The following SUN1 variants were observed in gnomAD, a reference collection of about 807,000 sequenced individuals.
SUN1 encodes the protein Sad1 and UNC84 domain containing 1.
In SUN1, 61 loss-of-function variants were observed where a neutral mutation model predicts 103.2. The ratio of observed to expected loss-of-function variants is 0.59; its 90% confidence interval spans 0.48 to 0.73. The LOEUF is 0.73. Ranked by LOEUF, SUN1 falls within the 30% of genes least tolerant of loss-of-function variation. The pLI is 0.00. For synonymous variants in SUN1, 490 were observed against 425.7 expected, an observed-to-expected ratio of 1.15 and a Z score of -1.86; for missense variants, 1,052 against 1,034.6, an observed-to-expected ratio of 1.02 and a Z score of -0.23.
rs746343397 is a variant in SUN1, at chr7:860,280, G to A, written c.1677G>A (p.Leu559=). Residue 559 remains leucine (L), a synonymous_variant, in exon 14 of 19, where the codon CTG becomes CTA. Coordinates refer to ENST00000401592, the MANE Select transcript of SUN1 (RefSeq NM_001130965.3). Reference sequence around the variant, plus strand: ...TGCGAGACCTGCAGCTGCAGATCCTGCGGAACGTCACCCACCACGTTTCCG... The same window carrying A: ...TGCGAGACCTGCAGCTGCAGATCCTACGGAACGTCACCCACCACGTTTCCG... The part of the protein sequence containing the change: ...TMLRDLQLQI[L]RNVTHHVSVT... 2 of 1,614,240 alleles carry A rather than the reference G, an allele frequency of 1.2e-6. No homozygotes were observed. Among genetic ancestry groups the A allele is most frequent in the Non-Finnish European group, 1.7e-6 (2 of 1,180,052 alleles).
At chr7:869,234 T>C in intron 16 of SUN1, 115 bp from the exon 17 acceptor site, 1 of 1,336,136 alleles carries the variant, frequency 7.5e-7, no homozygotes, top group Non-Finnish European at 1.0e-6. Context: ...CTCATGGCAG[T>C]TTCTACCATG....
rs1201453642 is a variant in SUN1 at position 849,827 on chromosome 7, C to A, written c.659-1557C>A. 3.0e-6 allele frequency: 4 copies of A among 1,338,256 alleles called. No homozygotes were observed. In the African/African-American group the frequency reaches 5.8e-5, roughly 19 times the overall value. The allele number at this position is 1,338,256 out of a possible 1,614,324, so 82.9% of individuals were successfully genotyped here. On this transcript the variant is annotated intron_variant, in intron 5 of 18. Transcript: ENST00000401592. Reference sequence around the variant, plus strand: ...GACTGTCTCGTGTGTAATTGAGTTTCCCAGTTTCTACAGACTGCCATTGCT... The same window carrying A: ...GACTGTCTCGTGTGTAATTGAGTTTACCAGTTTCTACAGACTGCCATTGCT...
rs1334547713 is a variant in SUN1 at position 840,632 on chromosome 7, ATCTAT to A, written c.267-1310_267-1306del. ...TGAATGCAGAAATTATTTTTTGACCATCTATTCTTTTTTTTTTTTTTTTTTTTGAA... is the reference window on the plus strand; with the variant it reads ...TGAATGCAGAAATTATTTTTTGACCATCTTTTTTTTTTTTTTTTTTTTGAA... On this transcript the variant is annotated intron_variant, in intron 2 of 18. Transcript: ENST00000401592. Among the ~76,000 whole-genome samples, 517 of 132,606 alleles carry A rather than the reference ATCTAT, an allele frequency of 3.9e-3. 2 individuals are homozygous for A. Among genetic ancestry groups the A allele is most frequent in the Non-Finnish European group, 5.7e-3 (369 of 64,320 alleles). 87.0% of individuals were successfully genotyped at this position (132,606 alleles called of 152,430 possible). A position where few individuals can be genotyped will look rare whatever the true frequency, so the allele number is the denominator to read the frequency against.
chr7:825,323 A>G (rs1178702736), intron 1 of SUN1, among the ~76,000 whole-genome samples: 1 of 152,126 alleles, frequency 6.6e-6, no homozygotes. Flanking sequence ...CGGCCTCCCA[A>G]AGTGTTGGGA....
At chr7:846,691 C>T (rs1816157930) in intron 5 of SUN1, among the ~76,000 whole-genome samples, 1 of 151,934 alleles carries the variant, frequency 6.6e-6, no homozygotes, top group Non-Finnish European at 1.5e-5. Flanking sequence ...GCCTGGGCAA[C>T]ATAGCAAGAC....
chr7:866,357 G>A (rs1049723433), intron 16 of SUN1, among the ~76,000 whole-genome samples: 4 of 152,118 alleles, frequency 2.6e-5, no homozygotes, highest in Admixed American at 6.5e-5. Flanking sequence ...CAGCCATGGT[G>A]TTGTGAGTGG....
Position 865,967 on chromosome 7 carries a change from G to C in SUN1, c.1880G>C (p.Ser627Thr), listed in dbSNP as rs373401176. Residue 627 changes from serine to threonine, a missense_variant, in exon 16 of 19, where the codon AGT (serine) becomes ACT (threonine). This residue lies in a region of SUN1 where 206 missense variants were observed against 260.1 expected (regional missense o/e 0.79). Transcript: ENST00000401592. ...TTGCTTTAAGGTGGCAGCATCTTGA[G>C]TACTCGCTGTTCTGAAACTTACGAA... ...ALESGGGSIL[S>T]TRCSETYETK... is the part of the protein sequence containing the mutation. 6.2e-7 allele frequency: 1 copy of C among 1,613,996 alleles called. No individual in the cohort carries two copies. Among genetic ancestry groups the C allele is most frequent in the Non-Finnish European group, 8.5e-7 (1 of 1,180,000 alleles).
rs751832513 is a variant in SUN1 at position 843,439 on chromosome 7, G to A, written c.577G>A (p.Glu193Lys). ...CTGCAGCAACTGCAGCATGCTGTCCGAGCGCAAGGACGTGCTCACGGCGCA... is the reference window on the plus strand; with the variant it reads ...CTGCAGCAACTGCAGCATGCTGTCCAAGCGCAAGGACGTGCTCACGGCGCA... ...FSCSNCSMLS[E>K]RKDVLTAHPA... is the part of the protein sequence containing the mutation. The change falls in exon 5 of 19, where the codon GAG becomes AAG. Residue 193 changes from glutamate (E) to lysine (K), a missense_variant. Transcript: ENST00000401592. 2.5e-5 allele frequency: 40 copies of A among 1,614,014 alleles called. No homozygotes were observed. Among genetic ancestry groups the A allele is most frequent in the African/African-American group, 5.3e-5 (4 of 74,940 alleles).
chr7:819,973 T>C (rs4719460), intron 1 of SUN1, among the ~76,000 whole-genome samples: 60,470 of 152,040 alleles, frequency 0.4, 12,537 homozygotes, highest in African/African-American at 0.52. Flanking sequence ...CCCAGTGCCA[T>C]ACTATTTTGT....
Position 869,534 on chromosome 7 carries a change from A to C in SUN1, c.2148+18A>C, listed in dbSNP as rs2128554608. ...CCGTCTATGTGAGTGCCCTTGGCCG[A>C]CCCTCCTCCTCCCACACCTTCCTGG... On this transcript the variant is annotated intron_variant, in intron 17 of 18. Coordinates refer to ENST00000401592, the MANE Select transcript of SUN1 (RefSeq NM_001130965.3). The C allele has an allele frequency of 6.2e-7, 1 of 1,606,132 alleles. No homozygotes were observed. The highest frequency in any genetic ancestry group is 8.5e-7 in the Non-Finnish European group (1 of 1,175,048).
intron 1 of SUN1, among the ~76,000 whole-genome samples, chr7:834,760 ACTTT>A (rs1467479347): frequency 4.6e-5 from 7 of 150,970 alleles, no homozygotes; most frequent in African/African-American, 1.5e-4. Flanking sequence ...CTGGCCACTC[ACTTT>A]CTTTAATTAA....
chr7:840,226 TGC>T (rs2128282669), intron 2 of SUN1, among the ~76,000 whole-genome samples: 1 of 152,330 alleles, frequency 6.6e-6, no homozygotes, highest in South Asian at 2.1e-4. Context: ...GGGAGTTCAC[TGC>T]GCAAAGAGTT....
intron 8 of SUN1, 34 bp from the exon 9 acceptor site, chr7:852,776 T>A (rs754559048): frequency 6.2e-7 from 1 of 1,611,650 alleles, no homozygotes; most frequent in South Asian, 1.1e-5. Flanking sequence ...AAGCGTGGTG[T>A]ACCTGTGTGT....
chr7:839,357 C>T (rs906893743), intron 2 of SUN1, among the ~76,000 whole-genome samples: 6 of 152,256 alleles, frequency 3.9e-5, no homozygotes, highest in Non-Finnish European at 8.8e-5. Context: ...ACAGATTACA[C>T]ATGCTGTCGT....
Position 852,601 on chromosome 7 carries a change from A to C in SUN1, c.852-8A>C. ...TTCTAAGTCAAAGGTTTTCATTGTT[A>C]CTCCCAGGTGCCTTCGAAACATCTG... On this transcript the variant is annotated splice_polypyrimidine_tract_variant and splice_region_variant and intron_variant, in intron 7 of 18. Transcript: ENST00000401592. The C allele has an allele frequency of 6.2e-7, 1 of 1,614,018 alleles. No individual in the cohort carries two copies. Among genetic ancestry groups the C allele is most frequent in the Admixed American group, 1.7e-5 (1 of 59,986 alleles).
chr7:845,032 T>C (rs1814025292), intron 5 of SUN1, among the ~76,000 whole-genome samples: 1 of 152,206 alleles, frequency 6.6e-6, no homozygotes, highest in African/African-American at 2.4e-5. Flanking sequence ...CATAACATTT[T>C]TCTTAGAATA....
At chr7:872,674 A>C (rs1383398809) in intron 18 of SUN1, 112 bp downstream of exon 18, 1 of 808,318 alleles carries the variant, frequency 1.2e-6, no homozygotes, top group South Asian at 1.6e-5. Flanking sequence ...CCATCCTTTG[A>C]AAAATGTTAA....
intron 1 of SUN1, chr7:817,647 G>A (rs547316804): frequency 3.8e-4 from 365 of 963,692 alleles, no homozygotes; most frequent in Non-Finnish European, 4.9e-4. Context: ...GGCTCTAATT[G>A]CTAAAGCTTT....
rs1842963779 is a variant in SUN1, at chr7:873,343, A to T, written c.*12A>T. The T allele has an allele frequency of 6.2e-7, 1 of 1,608,662 alleles. No individual in the cohort carries two copies. Among genetic ancestry groups the T allele is most frequent in the Non-Finnish European group, 8.5e-7 (1 of 1,175,326 alleles). On this transcript the variant is annotated 3_prime_UTR_variant, in exon 19 of 19. Transcript: ENST00000401592. ...AACCTGTCAAGTGAAGACACTACTC[A>T]TTATTTTTGTACATTTTTGTATATA...
Sources: gnomAD v4.1 joint callset for allele counts (sites outside exome capture counted in the v4.1 genomes callset) on GRCh38, gnomAD v4.1.1 for gene constraint, gnomAD v4.1.1 regional missense constraint, MANE v1.5 for transcripts, NCBI Gene and HGNC (gene_info 2026-07-23, HGNC 2026-07-21) for gene names.